The following SOX6 variants were observed in gnomAD, a reference collection of about 807,000 sequenced individuals.
SOX6 encodes transcription factor SOX-6.
A neutral mutation model predicts 97.8 loss-of-function variants in SOX6; 11 were observed. The observed-to-expected ratio is 0.11, with a 90% CI of 0.07 to 0.19. The LOEUF (loss-of-function observed/expected upper bound fraction) is 0.19. SOX6 is among the 10% of genes least tolerant of loss of function. The pLI is 1.00. For missense variants in SOX6, 810 were observed against 1,039.5 expected, an observed-to-expected ratio of 0.78 and a Z score of 3.04; for synonymous variants, 360 against 371.4, an observed-to-expected ratio of 0.97 and a Z score of 0.35.
At chr11:16,252,176 A>G (rs1035886729) in intron 3 of SOX6, among the ~76,000 whole-genome samples, 3 of 152,188 alleles carry the variant, frequency 2.0e-5, no homozygotes, top group African/African-American at 7.2e-5. Flanking sequence ...CAAAAAGAAC[A>G]TATCGTAGAC....
intron 13 of SOX6, among the ~76,000 whole-genome samples, chr11:16,007,689 A>G (rs1854597733): frequency 6.6e-6 from 1 of 152,112 alleles, no homozygotes; most frequent in African/African-American, 2.4e-5. Context: ...GCAGGTAGAA[A>G]GTCAAGTGGC....
At chr11:16,070,627 G>A (rs1353806171) in intron 9 of SOX6, among the ~76,000 whole-genome samples, 4 of 152,102 alleles carry the variant, frequency 2.6e-5, no homozygotes, top group Admixed American at 2.0e-4. Context: ...GACCCTGCAA[G>A]CCAATCATCT....
At chr11:16,100,441 C>T (rs1026109482) in intron 7 of SOX6, among the ~76,000 whole-genome samples, 1 of 151,650 alleles carries the variant, frequency 6.6e-6, no homozygotes, top group African/African-American at 2.4e-5. Flanking sequence ...CTACATATTT[C>T]AACTGACAGT....
At chr11:16,065,189 A>G (rs1048256447) in intron 9 of SOX6, among the ~76,000 whole-genome samples, 3 of 152,096 alleles carry the variant, frequency 2.0e-5, no homozygotes, top group Non-Finnish European at 2.9e-5. Context: ...TAAAATCAAC[A>G]TGTAAAAATC....
intron 3 of SOX6, among the ~76,000 whole-genome samples, chr11:16,618,629 G>T (rs375521531): frequency 2.0e-5 from 3 of 151,794 alleles, no homozygotes; most frequent in African/African-American, 7.2e-5. Flanking sequence ...AAGCTGTTTC[G>T]TATGCGGTCT....
chr11:16,539,562 A>T (rs1861369464), intron 4 of SOX6, among the ~76,000 whole-genome samples: 2 of 152,308 alleles, frequency 1.3e-5, no homozygotes, highest in South Asian at 4.1e-4. Flanking sequence ...AACAAAATTG[A>T]TAGACCACTA....
chr11:16,310,927 A>C lies in SOX6; in HGVS notation c.445+7519T>G, dbSNP rs572837457. Among the ~76,000 whole-genome samples the C allele has an allele frequency of 2.6e-5, 4 of 152,186 alleles. No individual in the cohort carries two copies. The South Asian group carries it at 8.3e-4, about 32-fold the overall frequency. On this transcript the variant is annotated intron_variant, in intron 3 of 15. Transcript: ENST00000683767. ...GGTGTGAATGTTAATTAAAAAAAAA[A>C]CATGGGCTTTTAATAGATTTTTTGC...
chr11:16,690,528 A>G (rs1449138753), intron 3 of SOX6, among the ~76,000 whole-genome samples: 1 of 152,254 alleles, frequency 6.6e-6, no homozygotes, highest in Non-Finnish European at 1.5e-5. Flanking sequence ...GATACAAGCA[A>G]GGTAAAACAG....
chr11:16,697,908 T>C (rs1825489550), intron 3 of SOX6, among the ~76,000 whole-genome samples: 2 of 152,224 alleles, frequency 1.3e-5, no homozygotes, highest in Admixed American at 6.5e-5. Context: ...TTCAGTAAAC[T>C]ATGCTATAAA....
intron 3 of SOX6, among the ~76,000 whole-genome samples, chr11:16,296,083 A>G (rs910880543): frequency 1.3e-5 from 2 of 152,104 alleles, no homozygotes; most frequent in Non-Finnish European, 2.9e-5. Context: ...TTTATATCTG[A>G]TTGAAATTTA....
chr11:16,638,998 C>T (rs2134002339), intron 3 of SOX6, among the ~76,000 whole-genome samples: 1 of 152,310 alleles, frequency 6.6e-6, no homozygotes, highest in African/African-American at 2.4e-5. Context: ...CTTGCCCATG[C>T]CTACATCCTG....
At chr11:16,288,684 A>G (rs569671585) in intron 3 of SOX6, among the ~76,000 whole-genome samples, 2 of 152,104 alleles carry the variant, frequency 1.3e-5, no homozygotes, top group South Asian at 4.1e-4. Context: ...GACATACCAG[A>G]TAGTGAAGTT....
intron 2 of SOX6, among the ~76,000 whole-genome samples, chr11:16,719,651 C>G (rs942939459): frequency 6.6e-6 from 1 of 152,176 alleles, no homozygotes; most frequent in Non-Finnish European, 1.5e-5. Flanking sequence ...AGGCCAGGTA[C>G]AGTGGCTCAC....
chr11:16,324,957 G>A (rs297352), intron 2 of SOX6, among the ~76,000 whole-genome samples: 131,737 of 152,010 alleles, frequency 0.87, 57,550 homozygotes, highest in Non-Finnish European at 0.92. Context: ...GATGAGTATG[G>A]AAATATAGTT....
intron 7 of SOX6, among the ~76,000 whole-genome samples, chr11:16,106,343 C>CATAT (rs34425335): frequency 1.3e-5 from 2 of 150,390 alleles, no homozygotes; most frequent in Admixed American, 6.6e-5. Flanking sequence ...CATAAGGAGA[C>CATAT]ATATATATAT....
chr11:16,647,315 TATAG>T (rs142844703), intron 3 of SOX6, among the ~76,000 whole-genome samples: 1,688 of 152,330 alleles, frequency 0.011, 22 homozygotes, highest in African/African-American at 0.038. Flanking sequence ...ATTTGAATGC[TATAG>T]ATAGTATGTC....
chr11:16,079,074 G>GA lies in SOX6; in HGVS notation c.1101+16921dup, dbSNP rs561789448. Among the ~76,000 whole-genome samples the GA allele has an allele frequency of 2.2e-4, 33 of 152,222 alleles. 1 individual carries two copies. In the East Asian group the frequency reaches 6.4e-3, roughly 29 times the overall value. ...CCATTAAAACAACATGGCAGACCTG[G>GA]AAATCCCTCAGCAATACCCACATAA... On this transcript the variant is annotated intron_variant, in intron 9 of 15. Coordinates refer to ENST00000683767, the MANE Select transcript of SOX6 (RefSeq NM_001367873.1).
rs193147014 is a variant in SOX6 at position 16,224,562 on chromosome 11, C to A, written c.535+10020G>T. Among the ~76,000 whole-genome samples, 42 of 151,944 alleles carry A rather than the reference C, an allele frequency of 2.8e-4. No homozygotes were observed. In the East Asian group the frequency reaches 7.2e-3, roughly 26 times the overall value. On this transcript the variant is annotated intron_variant, in intron 4 of 15. Coordinates refer to ENST00000683767, the MANE Select transcript of SOX6 (RefSeq NM_001367873.1). Reference sequence around the variant, plus strand: ...AGGTTTTAATTGCTTTTATGTATATCACACAGACTTCAAAAGAAGTAAAAG... The same window carrying A: ...AGGTTTTAATTGCTTTTATGTATATAACACAGACTTCAAAAGAAGTAAAAG...
At chr11:16,138,806 T>C (rs1351455744) in intron 6 of SOX6, among the ~76,000 whole-genome samples, 2 of 151,882 alleles carry the variant, frequency 1.3e-5, no homozygotes, top group African/African-American at 4.8e-5. Flanking sequence ...CGGTGTTTGG[T>C]TTTTTGTCCT....
Sources: gnomAD v4.1 joint callset for allele counts (sites outside exome capture counted in the v4.1 genomes callset) on GRCh38, gnomAD v4.1.1 for gene constraint, MANE v1.5 for transcripts, NCBI Gene and HGNC (gene_info 2026-07-23, HGNC 2026-07-21) for gene names.